RSU1: variants seen among roughly 807,000 people sequenced by gnomAD.
RSU1 encodes Ras suppressor protein 1.
RSU1 carries 26 observed loss-of-function variants against 31.1 expected under a neutral mutation model. The ratio of observed to expected loss-of-function variants is 0.84; its 90% CI spans 0.61 to 1.16. RSU1 has a LOEUF of 1.16. Among genes scored for constraint, RSU1 ranks in the 50% most tolerant of loss-of-function variants. RSU1 has a pLI of 0.00. For synonymous variants in RSU1, 164 were observed against 136.3 expected (o/e 1.20, Z -1.41); for missense variants, 320 against 339.1 (o/e 0.94, Z 0.44).
chr10:16,784,055 C>A (rs1317443465), intron 2 of RSU1, among the ~76,000 whole-genome samples: 1 of 151,862 alleles, frequency 6.6e-6, no homozygotes, highest in African/African-American at 2.4e-5. Flanking sequence ...ATTGCAGGGG[C>A]AATTGTTTTG....
chr10:16,745,726 G>C (rs1225296972), intron 7 of RSU1, among the ~76,000 whole-genome samples: 2 of 152,200 alleles, frequency 1.3e-5, no homozygotes, highest in Non-Finnish European at 2.9e-5. Context: ...TGAGGACACA[G>C]AGCCACATCA....
At chr10:16,705,688 C>T (rs1588481765) in intron 7 of RSU1, among the ~76,000 whole-genome samples, 1 of 152,152 alleles carries the variant, frequency 6.6e-6, no homozygotes, top group East Asian at 1.9e-4. Context: ...TGGGGTTTCA[C>T]CATGTTGGCC....
In RSU1 at chr10:16,593,437, G is replaced by T; in HGVS notation, c.791C>A (p.Ser264Ter). 1.2e-6 allele frequency: 2 copies of T among 1,614,042 alleles called. No homozygotes were observed. The highest frequency in any genetic ancestry group is 1.7e-6 in the Non-Finnish European group (2 of 1,179,994). Residue 264 changes from serine to a stop codon, truncating the protein, a stop_gained, in exon 9 of 9, where the codon TCG becomes TAG. Transcript: ENST00000345264. LOFTEE classifies it high-confidence loss of function. The part of the protein sequence containing the change: ...PEPPKKNNDK[S>*]KKISRKPLAA... ...CAGGGGTTTCCGGCTGATCTTTTTC[G>T]ATTTGTCATTATTCTTCTTCGGTGG... is the stretch of plus-strand genomic sequence containing the variant.
At chr10:16,680,737 G>A (rs1347174943) in intron 8 of RSU1, among the ~76,000 whole-genome samples, 4 of 152,174 alleles carry the variant, frequency 2.6e-5, no homozygotes, top group African/African-American at 9.6e-5. Flanking sequence ...TCTCCCTTCT[G>A]ATCCAAACAC....
chr10:16,642,910 G>C (rs1470474312), intron 8 of RSU1, among the ~76,000 whole-genome samples: 1 of 152,076 alleles, frequency 6.6e-6, no homozygotes, highest in South Asian at 2.1e-4. Context: ...TAAATAACAA[G>C]TCAAAACAAA....
Position 16,620,557 on chromosome 10 carries a change from A to G in RSU1, c.732-27061T>C, listed in dbSNP as rs1040908779. Among the ~76,000 whole-genome samples, 4 of 92,682 alleles carry G rather than the reference A, an allele frequency of 4.3e-5. No individual in the cohort carries two copies. In the East Asian group the frequency reaches 8.6e-4, roughly 20 times the overall value. 60.8% of individuals were successfully genotyped at this position (92,682 alleles called of 152,430 possible). A position where few individuals can be genotyped will look rare whatever the true frequency, so the allele number is the denominator to read the frequency against. ...GTTACTGGCATATGTACAAAATGTT[A>G]AAAAAAAAAAAAAAAGTCTCGCTCA... is the stretch of plus-strand genomic sequence containing the variant. On this transcript the variant is annotated intron_variant, in intron 8 of 8. Transcript: ENST00000345264.
intron 8 of RSU1, among the ~76,000 whole-genome samples, chr10:16,691,558 C>A (rs1835550723): frequency 1.3e-5 from 2 of 151,792 alleles, no homozygotes; most frequent in Non-Finnish European, 2.9e-5. Flanking sequence ...CCAAGGAGGA[C>A]AGAAGAGAAC....
At chr10:16,796,506 T>C (rs2131666420) in intron 2 of RSU1, among the ~76,000 whole-genome samples, 1 of 152,228 alleles carries the variant, frequency 6.6e-6, no homozygotes, top group South Asian at 2.1e-4. Context: ...CAAAGGCCCA[T>C]TAGACTCTTC....
chr10:16,759,298 G>A (rs1360548550), intron 4 of RSU1, among the ~76,000 whole-genome samples: 2 of 151,972 alleles, frequency 1.3e-5, no homozygotes, highest in Non-Finnish European at 2.9e-5. Context: ...TCAGGAGCTC[G>A]AGACCAGCCT....
intron 8 of RSU1, among the ~76,000 whole-genome samples, chr10:16,609,748 C>G (rs112744472): frequency 6.6e-6 from 1 of 152,222 alleles, no homozygotes; most frequent in South Asian, 2.1e-4. Flanking sequence ...TTCCATCCAA[C>G]ATATCTCCCC....
At chr10:16,673,909 C>T (rs926270420) in intron 8 of RSU1, among the ~76,000 whole-genome samples, 1 of 152,136 alleles carries the variant, frequency 6.6e-6, no homozygotes, top group African/African-American at 2.4e-5. Context: ...CTCTCCTCTG[C>T]TGTTTATTTT....
chr10:16,630,427 T>C (rs1588683319), intron 8 of RSU1, among the ~76,000 whole-genome samples: 1 of 152,236 alleles, frequency 6.6e-6, no homozygotes, highest in Non-Finnish European at 1.5e-5. Flanking sequence ...GCCCTTCTAA[T>C]GATCAAGGGT....
chr10:16,676,404 G>A (rs940938729), intron 8 of RSU1, among the ~76,000 whole-genome samples: 3 of 152,100 alleles, frequency 2.0e-5, no homozygotes, highest in Admixed American at 6.6e-5. Flanking sequence ...GATCTCATGA[G>A]ACTTATTCAC....
intron 7 of RSU1, among the ~76,000 whole-genome samples, chr10:16,745,636 G>A (rs567737931): frequency 1.3e-5 from 2 of 152,172 alleles, no homozygotes; most frequent in South Asian, 2.1e-4. Context: ...GGAAAGACCC[G>A]CCCCCATGAT....
intron 8 of RSU1, among the ~76,000 whole-genome samples, chr10:16,599,895 T>A (rs1034825915): frequency 5.9e-5 from 9 of 152,206 alleles, no homozygotes; most frequent in African/African-American, 2.2e-4. Context: ...TGGAGAGTGA[T>A]AAAGGGAGCC....
chr10:16,766,460 A>T (rs1361705979), intron 3 of RSU1, among the ~76,000 whole-genome samples: 3 of 152,226 alleles, frequency 2.0e-5, no homozygotes, highest in Non-Finnish European at 2.9e-5. Context: ...TCACACCTGT[A>T]ACCCAGCACT....
intron 8 of RSU1, among the ~76,000 whole-genome samples, chr10:16,658,919 T>C (rs1201716241): frequency 6.6e-6 from 1 of 152,190 alleles, no homozygotes; most frequent in Admixed American, 6.5e-5. Context: ...ACAAACTGTA[T>C]TGTTCCAAAT....
chr10:16,612,032 A>T (rs1481407698), intron 8 of RSU1, among the ~76,000 whole-genome samples: 3 of 152,188 alleles, frequency 2.0e-5, no homozygotes, highest in Admixed American at 2.0e-4. Context: ...ATAACTCAAT[A>T]GGGTTGTTGG....
intron 7 of RSU1, among the ~76,000 whole-genome samples, chr10:16,740,148 A>T (rs1045278121): frequency 6.6e-6 from 1 of 152,184 alleles, no homozygotes; most frequent in African/African-American, 2.4e-5. Flanking sequence ...CAAAGATACT[A>T]TAATACCAGA....
Sources: allele counts gnomAD v4.1 joint callset (sites outside exome capture counted in the v4.1 genomes callset), GRCh38; gene constraint gnomAD v4.1.1; transcripts MANE v1.5; gene names NCBI Gene and HGNC (gene_info 2026-07-23, HGNC 2026-07-21).